Variants in LIMCH1 observed in about 807,000 individuals in gnomAD.
LIMCH1 encodes the protein LIM and calponin homology domains-containing protein 1.
In LIMCH1, 113 loss-of-function variants were observed where a neutral mutation model predicts 176.5. The ratio of observed to expected loss-of-function variants is 0.64; its 90% CI spans 0.55 to 0.75. LIMCH1 has a LOEUF of 0.75. Among genes scored for constraint, LIMCH1 ranks in the 30% least tolerant of loss-of-function variants. The probability of loss-of-function intolerance (pLI) is 0.00; values close to 1 mark genes in which losing one functional copy is unlikely to be tolerated. For missense variants in LIMCH1, 1,674 were observed against 1,814.9 expected, an observed-to-expected ratio of 0.92 and a Z score of 1.41; for synonymous variants, 619 against 645.9, an observed-to-expected ratio of 0.96 and a Z score of 0.63.
At chr4:41,527,822 CAAAAAAAAAAAAAA>C (rs34651693) in intron 3 of LIMCH1, among the ~76,000 whole-genome samples, 2 of 47,122 alleles carry the variant, frequency 4.2e-5, no homozygotes, top group Admixed American at 3.0e-4. Flanking sequence ...GACTCCGTCT[CAAAAAAAAAAAAAA>C]AAAAAAAAAA....
intron 25 of LIMCH1, among the ~76,000 whole-genome samples, chr4:41,681,902 T>C (rs1716269886): frequency 6.6e-6 from 1 of 152,222 alleles, no homozygotes; most frequent in Non-Finnish European, 1.5e-5. Context: ...AATTTACATG[T>C]TGTCTTTGAA....
rs118051541 is a variant in LIMCH1, at chr4:41,514,094, C to T, written c.168-10315C>T. Among the ~76,000 whole-genome samples, 173 of 146,966 alleles carry T rather than the reference C, an allele frequency of 1.2e-3. 1 individual carries two copies. In the East Asian group the frequency reaches 0.024, roughly 20 times the overall value. On this transcript the variant is annotated intron_variant, in intron 2 of 26. Transcript: ENST00000313860. The stretch of plus-strand genomic sequence containing the variant: ...GTAAATCGTTAGCAGGTCTAAAGTC[C>T]GTGATAGTTCCAAAACTGATGTTTT...
intron 1 of LIMCH1, among the ~76,000 whole-genome samples, chr4:41,546,288 G>A (rs939977407): frequency 4.6e-5 from 7 of 152,008 alleles, no homozygotes; most frequent in South Asian, 4.2e-4. Flanking sequence ...ACAGGTGTGC[G>A]CCACCATGCC....
rs75557957 is a variant in LIMCH1 at position 41,616,822 on chromosome 4, T to C, written c.206-2366T>C. Among the ~76,000 whole-genome samples the C allele has an allele frequency of 4.3e-3, 661 of 152,206 alleles. 3 individuals carry two copies. Among genetic ancestry groups the C allele is most frequent in the African/African-American group, 0.015 (640 of 41,516 alleles). On this transcript the variant is annotated intron_variant, in intron 5 of 31. Coordinates refer to ENST00000503057, the MANE Select transcript of LIMCH1 (RefSeq NM_001330672.2). ...TGTATCCCATGAGGACCCTGAAGTA[T>C]AGAAGATTTAAGTATCCCAGGGTCA...
At chr4:41,624,856 T>G (rs1302897235) in intron 7 of LIMCH1, among the ~76,000 whole-genome samples, 1 of 152,200 alleles carries the variant, frequency 6.6e-6, no homozygotes, top group Non-Finnish European at 1.5e-5. Flanking sequence ...CCCCCTCACC[T>G]GCTTTGAGTC....
Position 41,642,070 on chromosome 4 carries a change from T to A in LIMCH1, c.2127-2430T>A, listed in dbSNP as rs150866074. Among the ~76,000 whole-genome samples, 18 of 152,140 alleles carry A rather than the reference T, an allele frequency of 1.2e-4. No homozygotes were observed. The East Asian group carries it at 3.3e-3, about 28-fold the overall frequency. The stretch of plus-strand genomic sequence containing the variant: ...GAAGGCTGCCATTTTCTTCTTGGGG[T>A]CCCAGAAGAAAACCTGGATCTATGG... On this transcript the variant is annotated intron_variant, in intron 14 of 31. Coordinates refer to ENST00000503057, the MANE Select transcript of LIMCH1 (RefSeq NM_001330672.2).
At chr4:41,687,701 C>T in intron 28 of LIMCH1, 139 bp from the exon 29 acceptor site, 6 of 537,542 alleles carry the variant, frequency 1.1e-5, no homozygotes, top group East Asian at 5.9e-5. Context: ...AAAATACTGC[C>T]AGGAAATGCT....
intron 1 of LIMCH1, among the ~76,000 whole-genome samples, chr4:41,578,952 C>T (rs753734636): frequency 6.6e-6 from 1 of 152,156 alleles, no homozygotes; most frequent in South Asian, 2.1e-4. Context: ...ATTCTCCTGC[C>T]TCAGCCTCCC....
intron 2 of LIMCH1, among the ~76,000 whole-genome samples, chr4:41,517,779 C>G (rs1290431944): frequency 6.6e-6 from 1 of 151,746 alleles, no homozygotes; most frequent in South Asian, 2.1e-4. Context: ...TTAAATTGAT[C>G]TCATGCTTAG....
Position 41,640,998 on chromosome 4 carries a change from C to G in LIMCH1, c.2126+2031C>G, listed in dbSNP as rs571447503. ...ACCTGGCCCACCAAAGGAGTCGGTA[C>G]GTTGTGAGAGCCATAGGCCATTTTA... On this transcript the variant is annotated intron_variant, in intron 14 of 31. Transcript: ENST00000503057. Among the ~76,000 whole-genome samples the G allele has an allele frequency of 2.6e-5, 4 of 152,304 alleles. No homozygotes were observed. In the East Asian group the frequency reaches 7.7e-4, roughly 29 times the overall value.
chr4:41,656,730 A>G (rs1274024869), intron 18 of LIMCH1, among the ~76,000 whole-genome samples: 1 of 152,106 alleles, frequency 6.6e-6, no homozygotes, highest in East Asian at 1.9e-4. Context: ...GCTTGTGTCC[A>G]GATAAGTTGT....
At chr4:41,383,843 A>G (rs2056083841) in intron 1 of LIMCH1, among the ~76,000 whole-genome samples, 1 of 152,062 alleles carries the variant, frequency 6.6e-6, no homozygotes, top group Non-Finnish European at 1.5e-5. Flanking sequence ...ACTGTGAAGA[A>G]TGACATTTAA....
At chr4:41,640,789 C>G (rs1414322431) in intron 14 of LIMCH1, among the ~76,000 whole-genome samples, 1 of 152,094 alleles carries the variant, frequency 6.6e-6, no homozygotes, top group Non-Finnish European at 1.5e-5. Context: ...ATAATTGACA[C>G]ATTCTTAAAA....
intron 1 of LIMCH1, among the ~76,000 whole-genome samples, chr4:41,543,051 T>G (rs1197618937): frequency 6.6e-6 from 1 of 152,198 alleles, no homozygotes; most frequent in African/African-American, 2.4e-5. Flanking sequence ...ATATGTTGAT[T>G]TGATGAAAGC....
intron 1 of LIMCH1, among the ~76,000 whole-genome samples, chr4:41,461,221 G>T (rs1420945840): frequency 6.6e-6 from 1 of 152,170 alleles, no homozygotes; most frequent in African/African-American, 2.4e-5. Flanking sequence ...GTTTTAGTAT[G>T]ACTTGCTCAT....
chr4:41,436,482 A>G (rs1040329715), intron 1 of LIMCH1, among the ~76,000 whole-genome samples: 1 of 152,186 alleles, frequency 6.6e-6, no homozygotes. Context: ...AATCTTTGTG[A>G]GCCAGTTAAT....
chr4:41,629,486 G>A lies in LIMCH1; in HGVS notation c.1029-6G>A. 6.5e-7 allele frequency: 1 copy of A among 1,535,766 alleles called. No individual in the cohort carries two copies. The highest frequency in any genetic ancestry group is 1.7e-4 in the Middle Eastern group (1 of 5,990). On this transcript the variant is annotated splice_region_variant and splice_polypyrimidine_tract_variant and intron_variant, in intron 8 of 31. Transcript: ENST00000503057. ...ATTGGTGTGGGGGCCCGGATCAAAT[G>A]GACAGAAACCAGGGCCACACAGAAG... is the stretch of plus-strand genomic sequence containing the variant.
At chr4:41,464,623 C>T (rs1208267623) in intron 1 of LIMCH1, among the ~76,000 whole-genome samples, 2 of 152,060 alleles carry the variant, frequency 1.3e-5, no homozygotes, top group African/African-American at 4.8e-5. Context: ...ATCTGCCCCC[C>T]TCAGCCTCCC....
chr4:41,598,331 A>ATT (rs2089293640), intron 1 of LIMCH1, among the ~76,000 whole-genome samples: 1 of 152,162 alleles, frequency 6.6e-6, no homozygotes, highest in African/African-American at 2.4e-5. Flanking sequence ...AGTCTTTTGC[A>ATT]TTAGTATTTT....
Sources: gnomAD v4.1 joint callset for allele counts (sites outside exome capture counted in the v4.1 genomes callset) on GRCh38, gnomAD v4.1.1 for gene constraint, MANE v1.5 for transcripts, NCBI Gene and HGNC (gene_info 2026-07-23, HGNC 2026-07-21) for gene names.